The following UROS variants were observed in gnomAD, a reference collection of about 807,000 sequenced individuals.
UROS encodes the protein uroporphyrinogen III synthase, also known as uroporphyrinogen-III synthase.
UROS carries 18 observed loss-of-function variants against 33.0 expected under a neutral mutation model. The ratio of observed to expected loss-of-function variants is 0.55; its 90% CI spans 0.38 to 0.81. UROS has a LOEUF of 0.81. Ranked by LOEUF, UROS falls within the 30% of genes least tolerant of loss-of-function variation. UROS has a pLI of 0.00. For missense variants in UROS, 293 were observed against 314.9 expected (o/e 0.93, Z 0.53); for synonymous variants, 114 against 121.1 (o/e 0.94, Z 0.38).
chr10:125,816,603 C>T (rs558439278), intron 1 of UROS, 78 bp from the exon 2 acceptor site: 10 of 1,410,852 alleles, frequency 7.1e-6, no homozygotes, highest in Non-Finnish European at 1.0e-5. Flanking sequence ...GGACGGTACA[C>T]AAGAAGAAGG....
At chr10:125,799,632 G>A (rs751522285) in intron 6 of UROS, among the ~76,000 whole-genome samples, 3 of 152,184 alleles carry the variant, frequency 2.0e-5, no homozygotes, top group East Asian at 3.9e-4. Context: ...GAAGGGGTAC[G>A]CGGCTCCCTG....
chr10:125,816,597 G>A, intron 1 of UROS, 72 bp from the exon 2 acceptor site: 7 of 1,456,996 alleles, frequency 4.8e-6, no homozygotes, highest in African/African-American at 1.4e-5. Context: ...CGATGGGGAC[G>A]GTACACAAGA....
Position 125,797,328 on chromosome 10 carries a change from T to C in UROS, c.475+737A>G, listed in dbSNP as rs1405356886. 6.6e-5 allele frequency among the ~76,000 whole-genome samples: 10 copies of C among 152,294 alleles called. No homozygotes were observed. The South Asian group carries it at 1.2e-3, about 19-fold the overall frequency. On this transcript the variant is annotated intron_variant, in intron 7 of 9. Coordinates refer to ENST00000368797, the MANE Select transcript of UROS (RefSeq NM_000375.3). ...ATGCTACATGATCTCTGAACACCTC[T>C]ATGAGGCAGGTACCATGGTTATGTA...
At chr10:125,802,596 C>T (rs3814624) in intron 6 of UROS, 470,868 of 1,031,042 alleles carry the variant, frequency 0.46, 108,350 homozygotes, top group Non-Finnish European at 0.47. Flanking sequence ...AGCACAGGGC[C>T]AACCGTCTTT....
At chr10:125,790,560 G>C (rs1446418543) in intron 9 of UROS, among the ~76,000 whole-genome samples, 3 of 151,734 alleles carry the variant, frequency 2.0e-5, no homozygotes, top group Non-Finnish European at 2.9e-5. Context: ...TGTAATCCCA[G>C]TACTTTGGGA....
intron 9 of UROS, among the ~76,000 whole-genome samples, chr10:125,789,984 T>C (rs1850803275): frequency 6.6e-6 from 1 of 152,212 alleles, no homozygotes; most frequent in Non-Finnish European, 1.5e-5. Context: ...CATCCAACAT[T>C]GGCAGCCCCT....
At chr10:125,809,493 C>T (rs1852613962) in intron 5 of UROS, among the ~76,000 whole-genome samples, 1 of 152,184 alleles carries the variant, frequency 6.6e-6, no homozygotes, top group African/African-American at 2.4e-5. Context: ...ACAGTAAGTC[C>T]TCACTTAATG....
In UROS at chr10:125,794,782, G is replaced by A. The variant is rs138960004; in HGVS notation, c.660+98C>T. 8.5e-3 allele frequency: 9,995 copies of A among 1,176,504 alleles called. 160 individuals are homozygous for A. Among genetic ancestry groups the A allele is most frequent in the Non-Finnish European group, 7.1e-3 (5,899 of 825,932 alleles). 72.9% of individuals were successfully genotyped at this position (1,176,504 alleles called of 1,614,324 possible). A position where few individuals can be genotyped will look rare whatever the true frequency, so the allele number is the denominator to read the frequency against. On this transcript the variant is annotated intron_variant, in intron 9 of 9. Coordinates refer to ENST00000368797, the MANE Select transcript of UROS (RefSeq NM_000375.3). Reference sequence around the variant, plus strand: ...AATTCTAAGGCACCTGCTAGGCCAGGGGTGTCTCACTTGACATTGAAGCCC... The same window carrying A: ...AATTCTAAGGCACCTGCTAGGCCAGAGGTGTCTCACTTGACATTGAAGCCC...
At chr10:125,789,232 G>C in intron 9 of UROS, 2 of 1,432,622 alleles carry the variant, frequency 1.4e-6, no homozygotes, top group South Asian at 1.4e-5. Flanking sequence ...AGCGACTGTC[G>C]CCAGGCTCAG....
At chr10:125,806,681 G>C (rs1258687924) in intron 6 of UROS, among the ~76,000 whole-genome samples, 2 of 152,306 alleles carry the variant, frequency 1.3e-5, no homozygotes, top group East Asian at 3.9e-4. Flanking sequence ...AGATAAGATA[G>C]TTCTACTTCA....
chr10:125,802,387 C>G, intron 6 of UROS: 1 of 985,880 alleles, frequency 1.0e-6, no homozygotes, highest in Non-Finnish European at 1.2e-6. Context: ...CACTGCCTGT[C>G]TAGGCTGCTG....
At chr10:125,794,586 T>C (rs940653477) in intron 9 of UROS, among the ~76,000 whole-genome samples, 3 of 152,172 alleles carry the variant, frequency 2.0e-5, no homozygotes, top group Non-Finnish European at 2.9e-5. Context: ...TTCAGGACTT[T>C]ACTCAAATTC....
At chr10:125,817,294 C>A (rs10901447) in intron 1 of UROS, among the ~76,000 whole-genome samples, 51,963 of 139,166 alleles carry the variant, frequency 0.37, 10,536 homozygotes, top group Non-Finnish European at 0.47. Flanking sequence ...TCTCGAACTC[C>A]TGAGCTCAGG....
chr10:125,806,145 G>A (rs1274090183), intron 6 of UROS, among the ~76,000 whole-genome samples: 1 of 152,164 alleles, frequency 6.6e-6, no homozygotes, highest in Non-Finnish European at 1.5e-5. Flanking sequence ...ACTTACGGCA[G>A]GAAGACTTGT....
chr10:125,796,251 C>G (rs1851353253), intron 7 of UROS, 63 bp from the exon 8 acceptor site: 1 of 1,505,672 alleles, frequency 6.6e-7, no homozygotes, highest in African/African-American at 1.4e-5. Context: ...GCCTCCACCA[C>G]TTCACAGCAC....
intron 8 of UROS, 73 bp from the exon 9 acceptor site, chr10:125,795,051 C>T (rs774257933): frequency 3.8e-5 from 54 of 1,435,066 alleles, no homozygotes; most frequent in African/African-American, 8.4e-5. Flanking sequence ...CGGCTTCATC[C>T]GCATCAAGAC....
At chr10:125,821,102 G>A (rs1344570822) in intron 1 of UROS, among the ~76,000 whole-genome samples, 1 of 152,124 alleles carries the variant, frequency 6.6e-6, no homozygotes, top group Non-Finnish European at 1.5e-5. Flanking sequence ...AATAAACATA[G>A]AATTACCATA....
At chr10:125,821,676 G>A (rs1853914188) in intron 1 of UROS, among the ~76,000 whole-genome samples, 1 of 152,166 alleles carries the variant, frequency 6.6e-6, no homozygotes, top group South Asian at 2.1e-4. Flanking sequence ...AAAAAAATTG[G>A]CTATGGTATC....
At chr10:125,817,224 A>ATTTTTTT (rs11431196) in intron 1 of UROS, among the ~76,000 whole-genome samples, 2 of 74,084 alleles carry the variant, frequency 2.7e-5, no homozygotes, top group South Asian at 6.9e-4. Context: ...TTATAGATGT[A>ATTTTTTT]TTTTTTTTTT....
Sources: gnomAD v4.1 joint callset for allele counts (sites outside exome capture counted in the v4.1 genomes callset) on GRCh38, gnomAD v4.1.1 for gene constraint, MANE v1.5 for transcripts, NCBI Gene and HGNC (gene_info 2026-07-23, HGNC 2026-07-21) for gene names.